TMTC1: variants seen among roughly 807,000 people sequenced by gnomAD.
The protein encoded by TMTC1 is transmembrane O-mannosyltransferase targeting cadherins 1.
Under a neutral mutation model 104.8 loss-of-function variants are expected in TMTC1, and 73 were observed. The ratio of observed to expected loss-of-function variants is 0.70; its 90% CI spans 0.58 to 0.85. The LOEUF (loss-of-function observed/expected upper bound fraction) is 0.85. Ranked by LOEUF, TMTC1 falls within the 40% of genes least tolerant of loss-of-function variation. TMTC1 has a pLI of 0.00. For missense variants in TMTC1, 1,035 were observed against 1,096.1 expected, an observed-to-expected ratio of 0.94 and a Z score of 0.79; for synonymous variants, 434 against 428.7, an observed-to-expected ratio of 1.01 and a Z score of -0.15.
chr12:29,780,551 T>A (rs1943810835), intron 1 of TMTC1, among the ~76,000 whole-genome samples: 1 of 152,190 alleles, frequency 6.6e-6, no homozygotes, highest in Non-Finnish European at 1.5e-5. Context: ...AAAGAAGTAC[T>A]GAGGATCCTT....
At position 29,516,045 on chromosome 12, in the gene TMTC1, G is replaced by A. The variant is rs538661597; in HGVS notation, c.2307+304C>T. On this transcript the variant is annotated intron_variant, in intron 15 of 17. Transcript: ENST00000539277. ...GATTACATAAAACAATATATAAGAA[G>A]GAAAATACAAAATAATAAAGCATAT... 5.3e-5 allele frequency among the ~76,000 whole-genome samples: 8 copies of A among 151,696 alleles called. No homozygotes were observed. In the East Asian group the frequency reaches 1.6e-3, roughly 30 times the overall value.
At chr12:29,514,811 G>A (rs116847144) in intron 15 of TMTC1, among the ~76,000 whole-genome samples, 5,253 of 152,192 alleles carry the variant, frequency 0.035, 144 homozygotes, top group East Asian at 0.094. Flanking sequence ...CCAGTAGCTC[G>A]AGATCAGTCT....
Position 29,783,678 on chromosome 12 carries a change from G to C in TMTC1, c.74C>G (p.Ala25Gly). 1.5e-6 allele frequency: 2 copies of C among 1,304,848 alleles called. No individual in the cohort carries two copies. Among genetic ancestry groups the C allele is most frequent in the Non-Finnish European group, 1.9e-6 (2 of 1,034,744 alleles). The allele number at this position is 1,304,848 out of a possible 1,614,324, so 80.8% of individuals were successfully genotyped here. A position where few individuals can be genotyped will look rare whatever the true frequency, so the allele number is the denominator to read the frequency against. The part of the protein sequence containing the change: ...TPSRRRGCGL[A>G]PAGAAALLAG... ...CAGCAGCGCCGCGGCCCCGGCCGGC[G>C]CTAGCCCGCAGCCCCGCCGCCGGGA... Residue 25 changes from alanine (A) to glycine (G), a missense_variant, in exon 1 of 18, where the codon GCG becomes GGG. By Grantham distance (60) the Ala-to-Gly change is moderately conservative (BLOSUM62 0). Coordinates refer to ENST00000539277, the MANE Select transcript of TMTC1 (RefSeq NM_001193451.2). The surrounding 1 kb of genome is among the most constrained non-coding windows in gnomAD (Gnocchi z 4.7).
At chr12:29,524,465 C>A (rs551939080) in intron 11 of TMTC1, among the ~76,000 whole-genome samples, 2 of 152,048 alleles carry the variant, frequency 1.3e-5, no homozygotes, top group African/African-American at 4.8e-5. Context: ...ATTTTATTAT[C>A]CAGCACAACC....
At chr12:29,688,182 C>A (rs909096169) in intron 5 of TMTC1, among the ~76,000 whole-genome samples, 10 of 152,140 alleles carry the variant, frequency 6.6e-5, no homozygotes, top group African/African-American at 2.4e-4. Context: ...CAAGTAGCAG[C>A]AGGGATTGAA....
At chr12:29,774,097 C>T (rs1365646017) in intron 1 of TMTC1, among the ~76,000 whole-genome samples, 7 of 152,126 alleles carry the variant, frequency 4.6e-5, no homozygotes, top group African/African-American at 1.2e-4. Context: ...TAAGCCTTTG[C>T]GTTCCTTTCT....
At chr12:29,681,103 A>AG (rs1940902470) in intron 5 of TMTC1, among the ~76,000 whole-genome samples, 1 of 109,656 alleles carries the variant, frequency 9.1e-6, no homozygotes, top group Non-Finnish European at 2.0e-5. Flanking sequence ...TGTCTCCAAA[A>AG]AAAAAAAAAA....
chr12:29,690,279 T>C (rs1016270798), intron 5 of TMTC1, among the ~76,000 whole-genome samples: 1 of 152,218 alleles, frequency 6.6e-6, no homozygotes, highest in Non-Finnish European at 1.5e-5. Flanking sequence ...AACATATTGC[T>C]TTCCTTATGA....
chr12:29,545,629 TCACACACACACACA>T lies in TMTC1; in HGVS notation c.1677-9326_1677-9313del, dbSNP rs55958433. On this transcript the variant is annotated intron_variant, in intron 10 of 17. Transcript: ENST00000539277. Reference sequence around the variant, plus strand: ...GTCTGGGCAACAGAGCAAGACTCTGTCACACACACACACACACACACACACACACACACACACAC... The same window carrying T: ...GTCTGGGCAACAGAGCAAGACTCTGTCACACACACACACACACACACACAC... Among the ~76,000 whole-genome samples the T allele has an allele frequency of 6.1e-4, 45 of 73,578 alleles. 1 individual carries two copies. The South Asian group carries it at 9.3e-3, about 15-fold the overall frequency. 48.3% of individuals were successfully genotyped at this position (73,578 alleles called of 152,430 possible).
At chr12:29,665,756 G>A (rs1940252495) in intron 5 of TMTC1, among the ~76,000 whole-genome samples, 1 of 152,078 alleles carries the variant, frequency 6.6e-6, no homozygotes, top group South Asian at 2.1e-4. Flanking sequence ...AATCAGTTTA[G>A]CCAGAAACCC....
At position 29,504,685 on chromosome 12, in the gene TMTC1, C is replaced by T. The variant is rs1410064936; in HGVS notation, c.*2161G>A. 4 of 152,146 alleles carry T rather than the reference C, an allele frequency of 2.6e-5. No individual in the cohort carries two copies. The highest frequency in any genetic ancestry group is 9.7e-5 in the African/African-American group (4 of 41,448). The allele number at this position is 152,146 out of a possible 1,614,324, so 9.4% of individuals were successfully genotyped here. On this transcript the variant is annotated 3_prime_UTR_variant, in exon 18 of 18. Transcript: ENST00000539277. The stretch of plus-strand genomic sequence containing the variant: ...TGAAGGTCATGTGATCCTTTACCCT[C>T]AGAAACTTTTAGGCTGAAATCACCA...
chr12:29,644,732 G>T (rs751642908), intron 5 of TMTC1, among the ~76,000 whole-genome samples: 1 of 152,100 alleles, frequency 6.6e-6, no homozygotes, highest in South Asian at 2.1e-4. Flanking sequence ...AATGGAGGCT[G>T]AGTGTAGTTA....
intron 5 of TMTC1, among the ~76,000 whole-genome samples, chr12:29,741,308 GTATCTCATT>G (rs1207463776): frequency 6.6e-6 from 1 of 152,124 alleles, no homozygotes; most frequent in Non-Finnish European, 1.5e-5. Flanking sequence ...TCTCATTATG[GTATCTCATT>G]TTAGGATCAA....
chr12:29,520,516 A>G, intron 12 of TMTC1, 102 bp downstream of exon 12: 2 of 973,606 alleles, frequency 2.1e-6, no homozygotes, highest in Non-Finnish European at 1.6e-6. Context: ...CTTCCTGCCA[A>G]GCCCAGTGAA....
intron 5 of TMTC1, among the ~76,000 whole-genome samples, chr12:29,703,445 T>C (rs1941657765): frequency 6.6e-6 from 1 of 152,230 alleles, no homozygotes; most frequent in Non-Finnish European, 1.5e-5. Context: ...AAGATTCTTA[T>C]AGCAATTTAT....
At chr12:29,637,670 A>C (rs2136527104) in intron 5 of TMTC1, among the ~76,000 whole-genome samples, 1 of 152,298 alleles carries the variant, frequency 6.6e-6, no homozygotes, top group East Asian at 1.9e-4. Context: ...ATTTTTATCG[A>C]GAAAAAAATC....
At chr12:29,662,046 A>G (rs1348480872) in intron 5 of TMTC1, among the ~76,000 whole-genome samples, 16 of 152,240 alleles carry the variant, frequency 1.1e-4, no homozygotes, top group Admixed American at 8.5e-4. Flanking sequence ...AAAATAAGTC[A>G]TAAGTCATTT....
intron 3 of TMTC1, among the ~76,000 whole-genome samples, chr12:29,756,336 G>A (rs766797235): frequency 9.2e-5 from 14 of 152,266 alleles, no homozygotes; most frequent in East Asian, 1.9e-4. Context: ...GGATTATAGC[G>A]TTGTAGGGGG....
At chr12:29,748,911 CTT>C (rs1267588084) in intron 5 of TMTC1, among the ~76,000 whole-genome samples, 1 of 152,166 alleles carries the variant, frequency 6.6e-6, no homozygotes, top group African/African-American at 2.4e-5. Flanking sequence ...GCTCACTACT[CTT>C]GAGTTGGCTT....
Sources: gnomAD v4.1 joint callset for allele counts (sites outside exome capture counted in the v4.1 genomes callset) on GRCh38, gnomAD v4.1.1 for gene constraint, Gnocchi (gnomAD v3.1) non-coding constraint, MANE v1.5 for transcripts, NCBI Gene and HGNC (gene_info 2026-07-23, HGNC 2026-07-21) for gene names.